IMMP1L: variants seen among roughly 807,000 people sequenced by gnomAD.
IMMP1L encodes inner mitochondrial membrane peptidase subunit 1, also known as mitochondrial inner membrane protease subunit 1.
A neutral mutation model predicts 21.8 loss-of-function variants in IMMP1L; 24 were observed. The ratio of observed to expected loss-of-function variants is 1.10; its 90% confidence interval spans 0.80 to 1.55. The LOEUF is 1.55. Among genes scored for constraint, IMMP1L ranks in the 40% most tolerant of loss-of-function variants. The probability of loss-of-function intolerance (pLI) is 0.00; values close to 1 mark genes in which losing one functional copy is unlikely to be tolerated. For synonymous variants in IMMP1L, 46 were observed against 62.8 expected (o/e 0.73, Z 1.26); for missense variants, 195 against 200.7 (o/e 0.97, Z 0.17).
At chr11:31,436,573 T>C (rs867774165) in intron 4 of IMMP1L, among the ~76,000 whole-genome samples, 6 of 151,892 alleles carry the variant, frequency 4.0e-5, no homozygotes, top group Non-Finnish European at 8.8e-5. Context: ...GCTGGGATTA[T>C]AGGTGTCCAC....
intron 2 of IMMP1L, among the ~76,000 whole-genome samples, chr11:31,462,031 T>A (rs886541078): frequency 1.6e-4 from 25 of 152,174 alleles, no homozygotes; most frequent in African/African-American, 5.3e-4. Context: ...AAGGCAAGTT[T>A]CAGCCAGGTA....
chr11:31,466,090 T>C lies in IMMP1L; in HGVS notation c.-29-2785A>G, dbSNP rs970623797. Among the ~76,000 whole-genome samples the C allele has an allele frequency of 5.3e-5, 8 of 152,086 alleles. No homozygotes were observed. The East Asian group carries it at 5.8e-4, about 11-fold the overall frequency. On this transcript the variant is annotated intron_variant, in intron 1 of 5. Coordinates refer to ENST00000532287, the MANE Select transcript of IMMP1L (RefSeq NM_001304274.2). ...AAAAACAAATAACCCAATTAAAAAG[T>C]GGGCAAATGATCTGAATAGACATTT... is the stretch of plus-strand genomic sequence containing the variant.
chr11:31,466,712 G>A (rs2133687259), intron 1 of IMMP1L, among the ~76,000 whole-genome samples: 1 of 152,106 alleles, frequency 6.6e-6, no homozygotes, highest in East Asian at 1.9e-4. Context: ...AAAAAATATT[G>A]AGCCTATGGA....
rs556182332 is a variant in IMMP1L at position 31,484,808 on chromosome 11, C to T, written c.-29-21503G>A. 2.0e-5 allele frequency among the ~76,000 whole-genome samples: 3 copies of T among 152,024 alleles called. No individual in the cohort carries two copies. In the South Asian group the frequency reaches 6.2e-4, roughly 31 times the overall value. On this transcript the variant is annotated intron_variant, in intron 1 of 5. Coordinates refer to ENST00000532287, the MANE Select transcript of IMMP1L (RefSeq NM_001304274.2). ...AAATACTTTGTTTATAAGGCAATTT[C>T]CAACGATGTGCTCACTGCAATAAAC...
chr11:31,438,836 C>T (rs926417833), intron 4 of IMMP1L, among the ~76,000 whole-genome samples: 2 of 152,128 alleles, frequency 1.3e-5, no homozygotes, highest in Admixed American at 1.3e-4. Context: ...TCATTAATCA[C>T]AGTCCACCTT....
At chr11:31,448,796 G>A (rs1172291303) in intron 4 of IMMP1L, 2 of 224,632 alleles carry the variant, frequency 8.9e-6, no homozygotes, top group Non-Finnish European at 1.5e-5. Context: ...AATATTCAGA[G>A]AACACATCAG....
At chr11:31,450,436 A>G (rs1953707778) in intron 4 of IMMP1L, among the ~76,000 whole-genome samples, 1 of 152,220 alleles carries the variant, frequency 6.6e-6, no homozygotes, top group African/African-American at 2.4e-5. Flanking sequence ...TTCCATAGTG[A>G]TAAGTCAATT....
intron 4 of IMMP1L, among the ~76,000 whole-genome samples, chr11:31,456,018 G>A (rs575276699): frequency 6.6e-6 from 1 of 152,148 alleles, no homozygotes; most frequent in South Asian, 2.1e-4. Context: ...AATAATTTTA[G>A]CATCCACTGG....
chr11:31,508,826 A>T (rs577604075), intron 1 of IMMP1L, among the ~76,000 whole-genome samples: 1 of 152,354 alleles, frequency 6.6e-6, no homozygotes, highest in South Asian at 2.1e-4. Context: ...AAAATTAAAT[A>T]CAAAAATACA....
intron 4 of IMMP1L, chr11:31,452,374 T>C (rs1953785471): frequency 1.0e-6 from 1 of 985,388 alleles, no homozygotes; most frequent in Non-Finnish European, 1.2e-6. Flanking sequence ...AAAATTATAG[T>C]GTATTTCTGA....
chr11:31,442,024 T>G (rs1953348507), intron 4 of IMMP1L, among the ~76,000 whole-genome samples: 1 of 152,216 alleles, frequency 6.6e-6, no homozygotes, highest in African/African-American at 2.4e-5. Context: ...TATGTTTTCA[T>G]GAATGCCATA....
chr11:31,495,714 T>C (rs888197672), intron 1 of IMMP1L, among the ~76,000 whole-genome samples: 1 of 152,198 alleles, frequency 6.6e-6, no homozygotes, highest in Non-Finnish European at 1.5e-5. Flanking sequence ...AGAAATAGCA[T>C]TGACATAAAT....
chr11:31,502,858 G>A (rs1422615466), intron 1 of IMMP1L, among the ~76,000 whole-genome samples: 2 of 152,144 alleles, frequency 1.3e-5, no homozygotes, highest in Non-Finnish European at 2.9e-5. Context: ...AAATTTTAAT[G>A]TTTTTGTGTT....
intron 4 of IMMP1L, among the ~76,000 whole-genome samples, chr11:31,440,245 T>C (rs1360646899): frequency 1.3e-5 from 2 of 152,164 alleles, no homozygotes; most frequent in Non-Finnish European, 2.9e-5. Flanking sequence ...CAAGGATTAG[T>C]TTCATACTGC....
chr11:31,457,922 A>G (rs1166579460), intron 3 of IMMP1L, among the ~76,000 whole-genome samples: 2 of 152,180 alleles, frequency 1.3e-5, no homozygotes, highest in Admixed American at 1.3e-4. Flanking sequence ...TGAAAACAGA[A>G]TAAAGGTATT....
intron 1 of IMMP1L, among the ~76,000 whole-genome samples, chr11:31,467,780 A>ATTT (rs34229840): frequency 0.019 from 2,704 of 143,550 alleles, 106 homozygotes; most frequent in African/African-American, 0.063. Flanking sequence ...AAAGTAGATA[A>ATTT]TTTTTTTTTT....
chr11:31,456,501 C>G, intron 3 of IMMP1L, 115 bp from the exon 4 acceptor site: 1 of 683,912 alleles, frequency 1.5e-6, no homozygotes, highest in South Asian at 2.7e-5. Context: ...CCTTTATCCT[C>G]TCATATACTT....
intron 4 of IMMP1L, among the ~76,000 whole-genome samples, chr11:31,449,839 G>A (rs1465610976): frequency 1.3e-5 from 2 of 152,086 alleles, no homozygotes; most frequent in East Asian, 3.8e-4. Context: ...ATCTTTGGTA[G>A]CCCTCAGATA....
At chr11:31,440,288 C>T (rs1953277157) in intron 4 of IMMP1L, among the ~76,000 whole-genome samples, 1 of 152,188 alleles carries the variant, frequency 6.6e-6, no homozygotes, top group Non-Finnish European at 1.5e-5. Context: ...AGTAGTTTCA[C>T]ATATTTTTGT....
Sources: allele counts gnomAD v4.1 joint callset (sites outside exome capture counted in the v4.1 genomes callset), GRCh38; gene constraint gnomAD v4.1.1; transcripts MANE v1.5; gene names NCBI Gene and HGNC (gene_info 2026-07-23, HGNC 2026-07-21).